The following GPHN variants were observed in gnomAD, a reference collection of about 807,000 sequenced individuals.
GPHN encodes the protein gephyrin.
GPHN carries 17 observed loss-of-function variants against 95.5 expected under a neutral mutation model. The ratio of observed to expected loss-of-function variants is 0.18; its 90% CI spans 0.12 to 0.27. The LOEUF is 0.27. Among genes scored for constraint, GPHN ranks in the 10% least tolerant of loss-of-function variants. The pLI, the probability that GPHN is intolerant of heterozygous loss-of-function variation, is 1.00. For synonymous variants in GPHN, 320 were observed against 322.5 expected, an observed-to-expected ratio of 0.99 and a Z score of 0.08; for missense variants, 660 against 978.1, an observed-to-expected ratio of 0.67 and a Z score of 4.34.
At chr14:66,796,393 A>G (rs945080819) in intron 3 of GPHN, among the ~76,000 whole-genome samples, 1 of 151,924 alleles carries the variant, frequency 6.6e-6, no homozygotes, top group Non-Finnish European at 1.5e-5. Flanking sequence ...TCTGGAACAT[A>G]TGCCAGCTTA....
the GPHN span, among the ~76,000 whole-genome samples, chr14:67,410,411 G>A: frequency 3.3e-5 from 5 of 152,114 alleles, no homozygotes; most frequent in African/African-American, 7.2e-5. Context: ...CTCCCAAGCC[G>A]CAGTTAAATG....
At chr14:67,234,718 T>C in the GPHN span, among the ~76,000 whole-genome samples, 7 of 151,942 alleles carry the variant, frequency 4.6e-5, no homozygotes, top group Non-Finnish European at 1.0e-4. Flanking sequence ...CCTAGCTAAT[T>C]TTTGTATTTT....
chr14:67,184,743 G>T (rs1269394351), downstream of GPHN, among the ~76,000 whole-genome samples: 1 of 152,178 alleles, frequency 6.6e-6, no homozygotes, highest in African/African-American at 2.4e-5. Flanking sequence ...TCACAGAAGA[G>T]TTACTGACTG....
the GPHN span, chr14:67,562,022 A>G: frequency 6.2e-6 from 10 of 1,613,688 alleles, no homozygotes; most frequent in Non-Finnish European, 8.5e-6. Context: ...GATCCCTTCA[A>G]GATGCGCTAG....
the GPHN span, among the ~76,000 whole-genome samples, chr14:67,525,008 T>C: frequency 3.3e-5 from 5 of 152,316 alleles, no homozygotes; most frequent in East Asian, 7.7e-4. Context: ...GAGTTAGATG[T>C]CAACTTCTCT....
At chr14:67,393,029 G>A in the GPHN span, 1 of 922,538 alleles carries the variant, frequency 1.1e-6, no homozygotes, top group Non-Finnish European at 1.8e-6. Flanking sequence ...GCCATCTCAG[G>A]CTAGCCTGTT....
the GPHN span, among the ~76,000 whole-genome samples, chr14:67,427,481 C>G: frequency 6.6e-6 from 1 of 152,172 alleles, no homozygotes; most frequent in Non-Finnish European, 1.5e-5. Flanking sequence ...TCAGGGGCTT[C>G]CGTCGTTGTT....
chr14:67,212,617 A>AC, the GPHN span, among the ~76,000 whole-genome samples: 1 of 145,924 alleles, frequency 6.9e-6, no homozygotes, highest in African/African-American at 2.5e-5. Flanking sequence ...ATATATATGT[A>AC]ATATATATTA....
chr14:66,666,689 G>A (rs1316285944), intron 1 of GPHN, among the ~76,000 whole-genome samples: 1 of 152,102 alleles, frequency 6.6e-6, no homozygotes, highest in Non-Finnish European at 1.5e-5. Context: ...ATACTGAATG[G>A]GTAAAAGCTG....
At chr14:67,391,576 C>T in the GPHN span, among the ~76,000 whole-genome samples, 14 of 152,150 alleles carry the variant, frequency 9.2e-5, no homozygotes, top group Non-Finnish European at 1.2e-4. Context: ...CTCCGAGTAA[C>T]GATGGGAGTG....
chr14:67,239,444 A>C, the GPHN span, among the ~76,000 whole-genome samples: 1 of 152,226 alleles, frequency 6.6e-6, no homozygotes, highest in Non-Finnish European at 1.5e-5. Flanking sequence ...CAGTCCCCAC[A>C]AGAATTATCC....
chr14:66,539,409 CTTT>C (rs1000117893), intron 1 of GPHN, among the ~76,000 whole-genome samples: 2 of 101,842 alleles, frequency 2.0e-5, no homozygotes, highest in African/African-American at 8.6e-5. Context: ...TTTCTACTTT[CTTT>C]TTTTTTTTTT....
At chr14:67,127,721 CAG>C (rs1420659449) in intron 17 of GPHN, among the ~76,000 whole-genome samples, 1 of 152,162 alleles carries the variant, frequency 6.6e-6, no homozygotes, top group Non-Finnish European at 1.5e-5. Context: ...AAAATTGAAA[CAG>C]ATATTGATCT....
the GPHN span, among the ~76,000 whole-genome samples, chr14:67,714,277 A>AG: frequency 5.3e-5 from 8 of 152,022 alleles, no homozygotes; most frequent in African/African-American, 1.9e-4. Flanking sequence ...CAGGGACTGT[A>AG]GGAGTGCACT....
the GPHN span, among the ~76,000 whole-genome samples, chr14:67,563,314 G>C: frequency 3.3e-5 from 5 of 152,206 alleles, no homozygotes; most frequent in Admixed American, 2.0e-4. Flanking sequence ...ATAAAATGGG[G>C]ATAATAGTAC....
At chr14:66,918,543 A>G in intron 6 of GPHN, among the ~76,000 whole-genome samples, 1 of 152,302 alleles carries the variant, frequency 6.6e-6, no homozygotes, top group Non-Finnish European at 1.5e-5. Context: ...CAGATGAATG[A>G]AAGTCCATGT....
At chr14:67,015,944 G>T (rs185448497) in intron 9 of GPHN, among the ~76,000 whole-genome samples, 10 of 152,066 alleles carry the variant, frequency 6.6e-5, no homozygotes, top group Admixed American at 2.6e-4. Context: ...TAACCCTGAG[G>T]ATTTAATAAC....
At chr14:67,430,319 G>C in the GPHN span, among the ~76,000 whole-genome samples, 9 of 152,298 alleles carry the variant, frequency 5.9e-5, no homozygotes, top group South Asian at 1.9e-3. Context: ...TACGGGCCTA[G>C]GGAGGAAAAA....
the GPHN span, among the ~76,000 whole-genome samples, chr14:67,299,513 C>T: frequency 6.6e-6 from 1 of 151,730 alleles, no homozygotes; most frequent in Non-Finnish European, 1.5e-5. Context: ...TGAAGGAAAA[C>T]AAGGAAAAGT....
Sources: gnomAD v4.1 joint callset for allele counts (sites outside exome capture counted in the v4.1 genomes callset) on GRCh38, gnomAD v4.1.1 for gene constraint, MANE v1.5 for transcripts, NCBI Gene and HGNC (gene_info 2026-07-23, HGNC 2026-07-21) for gene names.